Variants in RB1CC1 observed in about 807,000 individuals in gnomAD.
RB1CC1 encodes the protein RB1-inducible coiled-coil protein 1.
In RB1CC1, 46 loss-of-function variants were observed where a neutral mutation model predicts 177.5. The observed-to-expected ratio is 0.26, with a 90% CI of 0.20 to 0.33. The LOEUF is 0.33. Among genes scored for constraint, RB1CC1 ranks in the 10% least tolerant of loss-of-function variants. The pLI, the probability that RB1CC1 is intolerant of heterozygous loss-of-function variation, is 1.00. For synonymous variants in RB1CC1, 666 were observed against 613.6 expected, an observed-to-expected ratio of 1.09 and a Z score of -1.26; for missense variants, 1,703 against 1,816.3, an observed-to-expected ratio of 0.94 and a Z score of 1.13.
chr8:52,660,820 T>C, intron 11 of RB1CC1, 106 bp downstream of exon 11: 3 of 1,115,024 alleles, frequency 2.7e-6, no homozygotes, highest in Middle Eastern at 3.0e-4. Context: ...TTCCTAGATA[T>C]CAATGGCAAT....
chr8:52,684,163 T>G, intron 3 of RB1CC1, 150 bp from the exon 4 acceptor site: 1 of 939,184 alleles, frequency 1.1e-6, no homozygotes, highest in Non-Finnish European at 1.5e-6. Context: ...AAGCTTCCTA[T>G]TTAATGAACA....
At chr8:52,653,429 G>A (rs906373764) in intron 15 of RB1CC1, among the ~76,000 whole-genome samples, 1 of 152,136 alleles carries the variant, frequency 6.6e-6, no homozygotes, top group African/African-American at 2.4e-5. Flanking sequence ...TGTGGTAGTG[G>A]TTGTCCGTAG....
chr8:52,684,667 A>C (rs1173037426), intron 3 of RB1CC1, among the ~76,000 whole-genome samples: 6 of 152,200 alleles, frequency 3.9e-5, no homozygotes, highest in African/African-American at 1.4e-4. Context: ...AAACAAAATA[A>C]ACCTATTGAC....
At chr8:52,625,268 C>A (rs1398017450) in intron 22 of RB1CC1, among the ~76,000 whole-genome samples, 1 of 152,060 alleles carries the variant, frequency 6.6e-6, no homozygotes. Context: ...CATCTGTATG[C>A]CACAGTGCTT....
intron 1 of RB1CC1, among the ~76,000 whole-genome samples, chr8:52,697,701 G>T (rs1455205686): frequency 6.6e-6 from 1 of 152,160 alleles, no homozygotes; most frequent in Non-Finnish European, 1.5e-5. Flanking sequence ...GGCTATATTA[G>T]GTTCACTGTA....
intron 1 of RB1CC1, among the ~76,000 whole-genome samples, chr8:52,691,656 G>A (rs751766100): frequency 2.6e-4 from 39 of 152,126 alleles, no homozygotes; most frequent in Admixed American, 1.2e-3. Flanking sequence ...TTCATCCATT[G>A]TGTATAGTCC....
In RB1CC1 at chr8:52,657,788, A is replaced by AT; in HGVS notation, c.2040dup (p.Cys681MetfsTer14). On this transcript the variant is annotated frameshift_variant, in exon 15 of 24. Transcript: ENST00000025008. LOFTEE classifies it high-confidence loss of function. ...TCTTCTAAGGGACAAACTGCAGGACATAAGGGATCCTGAACAGTCAGTGGT... is the reference window on the plus strand; with the variant it reads ...TCTTCTAAGGGACAAACTGCAGGACATTAAGGGATCCTGAACAGTCAGTGGT... 1 of 1,613,980 alleles carries AT rather than the reference A, an allele frequency of 6.2e-7. No individual in the cohort carries two copies. Among genetic ancestry groups the AT allele is most frequent in the Non-Finnish European group, 8.5e-7 (1 of 1,179,942 alleles).
At chr8:52,669,817 A>T (rs1437718937) in intron 7 of RB1CC1, among the ~76,000 whole-genome samples, 1 of 152,220 alleles carries the variant, frequency 6.6e-6, no homozygotes, top group African/African-American at 2.4e-5. Context: ...CATAAACTTA[A>T]CATACCAACA....
Position 52,673,988 on chromosome 8 carries a change from G to A in RB1CC1, c.859C>T (p.His287Tyr). The change falls in exon 7 of 24, where the codon CAT (histidine) becomes TAT (tyrosine). Residue 287 changes from histidine to tyrosine, a missense_variant. Physicochemically the swap from His to Tyr is moderately conservative, Grantham distance 83. Transcript: ENST00000025008. ...EIRESCQSTVHQQDETTIDTK... is the reference protein window; with the variant it reads ...EIRESCQSTVYQQDETTIDTK... ...TCAATCGTAGTTTCATCTTGCTGAT[G>A]AACAGTACTTTGACAAGATTCCCTA... is the stretch of plus-strand genomic sequence containing the variant. 2 of 1,614,152 alleles carry A rather than the reference G, an allele frequency of 1.2e-6. No homozygotes were observed. The highest frequency in any genetic ancestry group is 8.5e-7 in the Non-Finnish European group (1 of 1,180,024).
intron 1 of RB1CC1, among the ~76,000 whole-genome samples, chr8:52,693,334 C>A (rs1165010331): frequency 2.0e-5 from 3 of 152,114 alleles, no homozygotes; most frequent in Non-Finnish European, 4.4e-5. Context: ...AGTGAACAGA[C>A]AACCTACGGG....
At chr8:52,707,307 A>G (rs79384639) in intron 1 of RB1CC1, among the ~76,000 whole-genome samples, 2 of 152,240 alleles carry the variant, frequency 1.3e-5, no homozygotes, top group African/African-American at 4.8e-5. Flanking sequence ...CTCAAACTCA[A>G]CATGTCCAAA....
chr8:52,652,738 A>C (rs113614263), intron 15 of RB1CC1, among the ~76,000 whole-genome samples: 26 of 152,162 alleles, frequency 1.7e-4, no homozygotes, highest in East Asian at 7.8e-4. Flanking sequence ...CAAATGCTAA[A>C]ATTTTTACTA....
intron 15 of RB1CC1, among the ~76,000 whole-genome samples, chr8:52,651,751 T>C (rs1228279347): frequency 6.6e-6 from 1 of 152,218 alleles, no homozygotes; most frequent in Non-Finnish European, 1.5e-5. Context: ...TAGAATATTC[T>C]TGAATAGTAA....
At chr8:52,640,349 C>A (rs1266545879) in intron 18 of RB1CC1, among the ~76,000 whole-genome samples, 3 of 152,104 alleles carry the variant, frequency 2.0e-5, no homozygotes, top group Non-Finnish European at 4.4e-5. Context: ...ACTGCGCTAT[C>A]TCAAAATAGC....
intron 20 of RB1CC1, among the ~76,000 whole-genome samples, chr8:52,632,265 T>G (rs752707882): frequency 1.4e-4 from 21 of 152,198 alleles, no homozygotes; most frequent in Non-Finnish European, 2.8e-4. Flanking sequence ...GCCCAATGCA[T>G]GGTTGCACAA....
chr8:52,709,068 G>C (rs1451834641), intron 1 of RB1CC1, among the ~76,000 whole-genome samples: 1 of 152,042 alleles, frequency 6.6e-6, no homozygotes, highest in East Asian at 1.9e-4. Flanking sequence ...TTATCTGAGT[G>C]TGGTAGCACA....
intron 7 of RB1CC1, among the ~76,000 whole-genome samples, chr8:52,671,324 T>C (rs987049526): frequency 2.0e-5 from 3 of 152,224 alleles, no homozygotes; most frequent in Non-Finnish European, 2.9e-5. Flanking sequence ...GCAAAAACGA[T>C]AGATTTAAAC....
intron 12 of RB1CC1, among the ~76,000 whole-genome samples, chr8:52,659,526 TA>T (rs760241543): frequency 2.6e-5 from 4 of 151,218 alleles, no homozygotes; most frequent in African/African-American, 4.9e-5. Flanking sequence ...AGAGTTGCAT[TA>T]AAAAAAAACT....
At chr8:52,670,167 G>T (rs1172932308) in intron 7 of RB1CC1, among the ~76,000 whole-genome samples, 1 of 152,084 alleles carries the variant, frequency 6.6e-6, no homozygotes, top group Non-Finnish European at 1.5e-5. Flanking sequence ...CTGGGCTCAG[G>T]CAATGGACTC....
Sources: gnomAD v4.1 joint callset for allele counts (sites outside exome capture counted in the v4.1 genomes callset) on GRCh38, gnomAD v4.1.1 for gene constraint, MANE v1.5 for transcripts, NCBI Gene and HGNC (gene_info 2026-07-23, HGNC 2026-07-21) for gene names.